Variants in LYSMD2 observed in about 807,000 individuals in gnomAD.
LYSMD2 encodes the protein LysM domain containing 2.
LYSMD2 carries 6 observed loss-of-function variants against 17.7 expected under a neutral mutation model. That is an observed-to-expected ratio of 0.34 (90% CI 0.19 to 0.67). The LOEUF (loss-of-function observed/expected upper bound fraction) is 0.67, where lower values mean the gene tolerates loss of function less well. Among genes scored for constraint, LYSMD2 ranks in the 30% least tolerant of loss-of-function variants. LYSMD2 has a pLI of 0.69. For synonymous variants in LYSMD2, 102 were observed against 129.8 expected, an observed-to-expected ratio of 0.79 and a Z score of 1.45; for missense variants, 237 against 286.7, an observed-to-expected ratio of 0.83 and a Z score of 1.25.
upstream of LYSMD2, among the ~76,000 whole-genome samples, chr15:51,739,570 C>G (rs1256045765): frequency 6.6e-6 from 1 of 152,124 alleles, no homozygotes; most frequent in Non-Finnish European, 1.5e-5. Flanking sequence ...AGTTTACAAT[C>G]TAGGAATGAG....
chr15:51,747,017 TAAAAA>T (rs1050919768), intron 1 of LYSMD2, among the ~76,000 whole-genome samples: 1 of 65,790 alleles, frequency 1.5e-5, no homozygotes, highest in African/African-American at 5.7e-5. Flanking sequence ...CTGTCTCTAC[TAAAAA>T]AAAAAAAAAA....
upstream of LYSMD2, among the ~76,000 whole-genome samples, chr15:51,738,367 C>T (rs563597256): frequency 6.6e-6 from 1 of 152,238 alleles, no homozygotes; most frequent in African/African-American, 2.4e-5. Context: ...GTCCTGGCTG[C>T]CTCGAAAGGC....
chr15:51,742,066 G>T (rs900215619), upstream of LYSMD2, among the ~76,000 whole-genome samples: 1 of 149,600 alleles, frequency 6.7e-6, no homozygotes, highest in Middle Eastern at 3.5e-3. Flanking sequence ...ACGGAGTCTC[G>T]CTCTGTCGCC....
chr15:51,739,240 A>T (rs2055631430), upstream of LYSMD2, among the ~76,000 whole-genome samples: 1 of 152,218 alleles, frequency 6.6e-6, no homozygotes, highest in Non-Finnish European at 1.5e-5. Flanking sequence ...ATGTACATGC[A>T]TGAGCTTGTC....
intron 1 of LYSMD2, among the ~76,000 whole-genome samples, chr15:51,734,501 G>A (rs1009688706): frequency 2.6e-5 from 4 of 152,136 alleles, no homozygotes; most frequent in South Asian, 2.1e-4. Flanking sequence ...CCTAGACTAC[G>A]ACTGGCTCTT....
Position 51,737,271 on chromosome 15 carries a change from C to T in LYSMD2, c.273+79G>A. ...AAACCCCCACCCGCAGTCCCACCCC[C>T]ACCCCCACCGCACCCCGAGCCGCAC... On this transcript the variant is annotated intron_variant, in intron 1 of 2. Transcript: ENST00000267838. This position sits in a 1 kb window ranked among gnomAD's most constrained non-coding sequence, Gnocchi z 4.2. 5.5e-5 allele frequency: 51 copies of T among 930,828 alleles called. No homozygotes were observed. Among genetic ancestry groups the T allele is most frequent in the East Asian group, 7.9e-5 (2 of 25,398 alleles). 57.7% of individuals were successfully genotyped at this position (930,828 alleles called of 1,614,324 possible).
chr15:51,740,262 C>A (rs1160943888), upstream of LYSMD2, among the ~76,000 whole-genome samples: 1 of 151,942 alleles, frequency 6.6e-6, no homozygotes, highest in Non-Finnish European at 1.5e-5. Flanking sequence ...CCTGGCCAGG[C>A]CTGTTTTTTT....
rs2055529550 is a variant in LYSMD2, at chr15:51,725,027, A to C, written c.368T>G (p.Leu123Trp). ...AATGGAGTTAAGTCCATTAAACAAC[A>C]AAGGCTTCTCTGATATAACTGGGAT... is the stretch of plus-strand genomic sequence containing the variant. ...LNIPVISEKP[L>W]LFNGLNSIDS... is the part of the protein sequence containing the mutation. The change falls in exon 2 of 3, where the codon TTG (leucine) becomes TGG (tryptophan). Residue 123 changes from leucine (L) to tryptophan (W), a missense_variant. Physicochemically the swap from Leu to Trp is moderately conservative, Grantham distance 61. Coordinates refer to ENST00000267838, the MANE Select transcript of LYSMD2 (RefSeq NM_153374.3). 1 of 1,613,744 alleles carries C rather than the reference A, an allele frequency of 6.2e-7. No individual in the cohort carries two copies. The highest frequency in any genetic ancestry group is 1.3e-5 in the African/African-American group (1 of 74,926).
chr15:51,723,394 C>T lies in LYSMD2; in HGVS notation c.*213G>A. 1 of 492,498 alleles carries T rather than the reference C, an allele frequency of 2.0e-6. No homozygotes were observed. Among genetic ancestry groups the T allele is most frequent in the East Asian group, 3.6e-5 (1 of 27,912 alleles). 30.5% of individuals were successfully genotyped at this position (492,498 alleles called of 1,614,324 possible). On this transcript the variant is annotated 3_prime_UTR_variant, in exon 3 of 3. Coordinates refer to ENST00000267838, the MANE Select transcript of LYSMD2 (RefSeq NM_153374.3). ...AAAAGTGATGAGCTTTAGGCTACAA[C>T]CTTGCCATCATGCCATAATAAAGAC...
intron 1 of LYSMD2, among the ~76,000 whole-genome samples, chr15:51,745,488 A>G (rs1338191572): frequency 2.0e-5 from 3 of 152,202 alleles, no homozygotes; most frequent in African/African-American, 4.8e-5. Flanking sequence ...GAATAAAGGG[A>G]AAAACAACCC....
chr15:51,730,476 AC>A (rs1483319077), intron 1 of LYSMD2, among the ~76,000 whole-genome samples: 3 of 152,234 alleles, frequency 2.0e-5, no homozygotes, highest in African/African-American at 7.2e-5. Context: ...AGATCTCGCC[AC>A]TGCGCTCCAG....
intron 1 of LYSMD2, among the ~76,000 whole-genome samples, chr15:51,747,836 G>A (rs7179971): frequency 0.074 from 11,303 of 152,202 alleles, 534 homozygotes; most frequent in African/African-American, 0.11. Context: ...CTACACATAC[G>A]ATTTAATTCA....
At chr15:51,729,752 C>A (rs73405356) in intron 1 of LYSMD2, among the ~76,000 whole-genome samples, 8,969 of 152,316 alleles carry the variant, frequency 0.059, 297 homozygotes, top group East Asian at 0.094. Context: ...GCCACCGCAC[C>A]TGGCCTCCTT....
chr15:51,736,789 T>C (rs2055611884), intron 1 of LYSMD2, among the ~76,000 whole-genome samples: 1 of 152,170 alleles, frequency 6.6e-6, no homozygotes, highest in African/African-American at 2.4e-5. Flanking sequence ...TAGCGACAGG[T>C]GTCACATTCG....
chr15:51,731,528 T>TA (rs752194990), intron 1 of LYSMD2, among the ~76,000 whole-genome samples: 29 of 152,222 alleles, frequency 1.9e-4, no homozygotes, highest in Non-Finnish European at 3.1e-4. Flanking sequence ...CAACTTGGCT[T>TA]AGCAGCTAAT....
At chr15:51,729,310 T>A (rs1284592605) in intron 1 of LYSMD2, among the ~76,000 whole-genome samples, 3 of 152,254 alleles carry the variant, frequency 2.0e-5, no homozygotes, top group Non-Finnish European at 4.4e-5. Flanking sequence ...GGGAGTGACA[T>A]GATCTGATCA....
intron 1 of LYSMD2, among the ~76,000 whole-genome samples, chr15:51,749,701 G>A (rs995288755): frequency 3.9e-5 from 6 of 152,206 alleles, no homozygotes; most frequent in African/African-American, 1.4e-4. Context: ...TGGGAAAACT[G>A]CTGGCTCGAT....
chr15:51,735,520 G>T (rs2055603219), intron 1 of LYSMD2, among the ~76,000 whole-genome samples: 1 of 152,132 alleles, frequency 6.6e-6, no homozygotes, highest in African/African-American at 2.4e-5. Flanking sequence ...ACAGTGCTGA[G>T]GTTGGGAAAC....
chr15:51,725,077 AC>A lies in LYSMD2; in HGVS notation c.317del (p.Cys106LeufsTer4), dbSNP rs1567226684. On this transcript the variant is annotated frameshift_variant, in exon 2 of 3. Coordinates refer to ENST00000267838, the MANE Select transcript of LYSMD2 (RefSeq NM_153374.3). LOFTEE classifies it high-confidence loss of function. ...KRANKLFTNDCIFLKKTLNIP... is the reference protein window; with the variant it reads ...KRANKLFTNDXIFLKKTLNIP... ...TGTTCAAAGTTTTCTTCAGAAATAT[AC>A]AATCATTGGTAAACAGTTTATTGGC... 5 of 1,612,374 alleles carry A rather than the reference AC, an allele frequency of 3.1e-6. No individual in the cohort carries two copies. Among genetic ancestry groups the A allele is most frequent in the Non-Finnish European group, 4.2e-6 (5 of 1,178,610 alleles).
Sources: allele counts gnomAD v4.1 joint callset (sites outside exome capture counted in the v4.1 genomes callset), GRCh38; gene constraint gnomAD v4.1.1; non-coding constraint Gnocchi (gnomAD v3.1); transcripts MANE v1.5; gene names NCBI Gene and HGNC (gene_info 2026-07-23, HGNC 2026-07-21).